The following FBH1 variants were observed in gnomAD, a reference collection of about 807,000 sequenced individuals.
FBH1 encodes the protein DNA 3'-5' helicase 1.
In FBH1, 43 loss-of-function variants were observed where a neutral mutation model predicts 115.5. That is an observed-to-expected ratio of 0.37 (90% CI 0.29 to 0.48). The LOEUF (loss-of-function observed/expected upper bound fraction) is 0.48, where lower values mean the gene tolerates loss of function less well. Among genes scored for constraint, FBH1 ranks in the 20% least tolerant of loss-of-function variants. FBH1 has a pLI of 0.99. For missense variants in FBH1, 1,001 were observed against 1,337.3 expected, an observed-to-expected ratio of 0.75 and a Z score of 3.92; for synonymous variants, 524 against 507.8, an observed-to-expected ratio of 1.03 and a Z score of -0.43.
chr10:5,903,889 G>A (rs1003722306), intron 2 of FBH1, among the ~76,000 whole-genome samples: 2 of 152,112 alleles, frequency 1.3e-5, no homozygotes, highest in Non-Finnish European at 2.9e-5. Context: ...CTAGGACCTG[G>A]ACTACTACAG....
intron 18 of FBH1, among the ~76,000 whole-genome samples, chr10:5,926,746 T>G (rs866279186): frequency 9.2e-5 from 14 of 152,328 alleles, no homozygotes; most frequent in South Asian, 6.2e-4. Flanking sequence ...GTAATTTTTT[T>G]GGGGGACATG....
intron 10 of FBH1, chr10:5,916,951 TA>T (rs1467971258): frequency 1.0e-5 from 2 of 195,538 alleles, no homozygotes; most frequent in Non-Finnish European, 2.2e-5. Context: ...CGCCTCAGTT[TA>T]TAAGAGCTTG....
chr10:5,904,054 G>A (rs1342705298), intron 2 of FBH1, among the ~76,000 whole-genome samples: 1 of 151,924 alleles, frequency 6.6e-6, no homozygotes, highest in Non-Finnish European at 1.5e-5. Flanking sequence ...AATATTATCT[G>A]GTTGTCTTTT....
intron 1 of FBH1, among the ~76,000 whole-genome samples, chr10:5,896,106 C>T (rs1842989015): frequency 6.6e-6 from 1 of 152,162 alleles, no homozygotes; most frequent in East Asian, 1.9e-4. Context: ...TCTCTTGTTT[C>T]CCCCTTGTGC....
At chr10:5,896,393 C>T (rs565103884) in intron 1 of FBH1, among the ~76,000 whole-genome samples, 1 of 152,124 alleles carries the variant, frequency 6.6e-6, no homozygotes, top group Admixed American at 6.5e-5. Flanking sequence ...TGAGGGTTAG[C>T]AAAGAGAGGT....
chr10:5,891,735 G>C (rs1387134453), intron 1 of FBH1, among the ~76,000 whole-genome samples: 1 of 152,106 alleles, frequency 6.6e-6, no homozygotes, highest in African/African-American at 2.4e-5. Context: ...TCAGCCTCCC[G>C]AGTAGCTGGG....
In FBH1 at chr10:5,923,807, G is replaced by A. The variant is rs1273614346; in HGVS notation, c.2398+111G>A. 5.1e-6 allele frequency: 5 copies of A among 983,580 alleles called. No individual in the cohort carries two copies. The highest frequency in any genetic ancestry group is 2.4e-5 in the East Asian group (1 of 41,082). 60.9% of individuals were successfully genotyped at this position (983,580 alleles called of 1,614,324 possible). Reference sequence around the variant, plus strand: ...GACCCGTTTCCCTCCAGAGAAGGGCGAGCTAGTGTTGCTGTCTTCCCATGA... The same window carrying A: ...GACCCGTTTCCCTCCAGAGAAGGGCAAGCTAGTGTTGCTGTCTTCCCATGA... On this transcript the variant is annotated intron_variant, in intron 16 of 20. Coordinates refer to ENST00000362091, the MANE Select transcript of FBH1 (RefSeq NM_178150.3). This position sits in a 1 kb window ranked among gnomAD's most constrained non-coding sequence, Gnocchi z 5.7.
Position 5,909,132 on chromosome 10 carries a change from A to G in FBH1, c.885-27A>G, listed in dbSNP as rs1305461472. On this transcript the variant is annotated intron_variant, in intron 4 of 20. Coordinates refer to ENST00000362091, the MANE Select transcript of FBH1 (RefSeq NM_178150.3). This position sits in a 1 kb window ranked among gnomAD's most constrained non-coding sequence, Gnocchi z 4.4. ...ATCAGTGCTTATGGTCACCCTACTC[A>G]TGGCCTCTCCTGTGAATGTCTTACA... 3.7e-6 allele frequency: 6 copies of G among 1,613,412 alleles called. No individual in the cohort carries two copies. Among genetic ancestry groups the G allele is most frequent in the Admixed American group, 1.7e-5 (1 of 60,014 alleles).
intron 6 of FBH1, among the ~76,000 whole-genome samples, chr10:5,912,820 C>A (rs1257698974): frequency 6.6e-6 from 1 of 152,180 alleles, no homozygotes; most frequent in African/African-American, 2.4e-5. Context: ...GGTAGCGCTT[C>A]AACACAGGAA....
At position 5,915,187 on chromosome 10, in the gene FBH1, G is replaced by A. The variant is rs551938302; in HGVS notation, c.1397-216G>A. On this transcript the variant is annotated intron_variant, in intron 8 of 20. Coordinates refer to ENST00000362091, the MANE Select transcript of FBH1 (RefSeq NM_178150.3). The surrounding 1 kb of genome is among the most constrained non-coding windows in gnomAD (Gnocchi z 5.2). ...GGGGTCCACCTGTCCTTTGCCCCTC[G>A]GCTGGAGCCTGCCCCAGCTGAGATC... is the stretch of plus-strand genomic sequence containing the variant. 1.3e-5 allele frequency among the ~76,000 whole-genome samples: 2 copies of A among 152,214 alleles called. No homozygotes were observed. Among genetic ancestry groups the A allele is most frequent in the South Asian group, 2.1e-4 (1 of 4,804 alleles).
chr10:5,911,975 A>G lies in FBH1; in HGVS notation c.1211+847A>G, dbSNP rs1422034285. ...GGAATGAATTTGGGACATGTGAGGA[A>G]GAGAAAAAGTGCAGTGTGGCAAGGG... is the stretch of plus-strand genomic sequence containing the variant. On this transcript the variant is annotated intron_variant, in intron 6 of 20. Coordinates refer to ENST00000362091, the MANE Select transcript of FBH1 (RefSeq NM_178150.3). This position sits in a 1 kb window ranked among gnomAD's most constrained non-coding sequence, Gnocchi z 5.4. Among the ~76,000 whole-genome samples the G allele has an allele frequency of 2.6e-5, 4 of 152,142 alleles. No homozygotes were observed. The highest frequency in any genetic ancestry group is 7.2e-5 in the African/African-American group (3 of 41,422).
At chr10:5,901,552 T>C (rs1443942881) in intron 1 of FBH1, among the ~76,000 whole-genome samples, 1 of 151,734 alleles carries the variant, frequency 6.6e-6, no homozygotes, top group Non-Finnish European at 1.5e-5. Flanking sequence ...TAACTTTAAT[T>C]CTTTTTTTTC....
In FBH1 at chr10:5,921,203, T is replaced by TG; in HGVS notation, c.2101-54dup. The TG allele has an allele frequency of 6.4e-7, 1 of 1,551,764 alleles. No homozygotes were observed. Among genetic ancestry groups the TG allele is most frequent in the Non-Finnish European group, 8.9e-7 (1 of 1,125,266 alleles). ...CAGGCTGTGGCAGCAGTGATGGAAA[T>TG]GCACGGACACACCACAGGGCGGGCT... On this transcript the variant is annotated intron_variant, in intron 13 of 20. Coordinates refer to ENST00000362091, the MANE Select transcript of FBH1 (RefSeq NM_178150.3). The surrounding 1 kb of genome is among the most constrained non-coding windows in gnomAD (Gnocchi z 6.4).
Position 5,936,684 on chromosome 10 carries a change from G to C in FBH1, c.2961+97G>C. The C allele has an allele frequency of 1.3e-6, 2 of 1,484,244 alleles. No homozygotes were observed. The highest frequency in any genetic ancestry group is 2.4e-5 in the South Asian group (2 of 84,872). 91.9% of individuals were successfully genotyped at this position (1,484,244 alleles called of 1,614,324 possible). On this transcript the variant is annotated intron_variant, in intron 20 of 20. Coordinates refer to ENST00000362091, the MANE Select transcript of FBH1 (RefSeq NM_178150.3). The surrounding 1 kb of genome is among the most constrained non-coding windows in gnomAD (Gnocchi z 5.6). Reference sequence around the variant, plus strand: ...GTTGTAGGTGAGGAGATAAGAGAGAGCTGTGTGATCCTTTATTAGGGGCTT... The same window carrying C: ...GTTGTAGGTGAGGAGATAAGAGAGACCTGTGTGATCCTTTATTAGGGGCTT...
chr10:5,932,430 AT>A lies in FBH1; in HGVS notation c.2830-4024del. On this transcript the variant is annotated intron_variant, in intron 19 of 20. Transcript: ENST00000362091. This position sits in a 1 kb window ranked among gnomAD's most constrained non-coding sequence, Gnocchi z 5.9. ...TTACTCTTTTATTTTTTGCCCTTTT[AT>A]TCTTTTATTTGTTGTCCTACCCAAA... Among the ~76,000 whole-genome samples, 1 of 151,928 alleles carries A rather than the reference AT, an allele frequency of 6.6e-6. No individual in the cohort carries two copies. The highest frequency in any genetic ancestry group is 6.6e-5 in the Admixed American group (1 of 15,230).
rs1831571465 is a variant in FBH1, at chr10:5,911,249, T to C, written c.1211+121T>C. The C allele has an allele frequency of 4.4e-6, 4 of 917,242 alleles. No individual in the cohort carries two copies. Among genetic ancestry groups the C allele is most frequent in the South Asian group, 1.6e-5 (1 of 60,800 alleles). 56.8% of individuals were successfully genotyped at this position (917,242 alleles called of 1,614,324 possible). A position where few individuals can be genotyped will look rare whatever the true frequency, so the allele number is the denominator to read the frequency against. ...CTGGCAGGCTGTGGGACCCACCTGC[T>C]CCACCTCAGTGTCATCTTCTGCAGG... is the stretch of plus-strand genomic sequence containing the variant. On this transcript the variant is annotated intron_variant, in intron 6 of 20. Transcript: ENST00000362091. This position sits in a 1 kb window ranked among gnomAD's most constrained non-coding sequence, Gnocchi z 5.4.
At chr10:5,899,181 G>A (rs1205613725) in intron 1 of FBH1, among the ~76,000 whole-genome samples, 4 of 152,144 alleles carry the variant, frequency 2.6e-5, no homozygotes, top group African/African-American at 4.8e-5. Context: ...GTGCCTTTTC[G>A]TTGACTTTCA....
Position 5,921,545 on chromosome 10 carries a change from C to T in FBH1, c.2298C>T (p.Phe766=). The T allele has an allele frequency of 6.3e-7, 1 of 1,594,622 alleles. No homozygotes were observed. The highest frequency in any genetic ancestry group is 1.1e-5 in the South Asian group (1 of 87,056). ...CCGTACGGGTGACGGAAGGGGAATTCCCTTCAAGGATACATTTGATTGGGG... is the reference window on the plus strand; with the variant it reads ...CCGTACGGGTGACGGAAGGGGAATTTCCTTCAAGGATACATTTGATTGGGG... ...DEAVRVTEGE[F]PSRIHLIGGI... The change falls in exon 15 of 21, where the codon TTC becomes TTT. Residue 766 remains phenylalanine (F), a synonymous_variant. Coordinates refer to ENST00000362091, the MANE Select transcript of FBH1 (RefSeq NM_178150.3). This position sits in a 1 kb window ranked among gnomAD's most constrained non-coding sequence, Gnocchi z 6.4.
chr10:5,898,921 C>T (rs527678468), intron 1 of FBH1, among the ~76,000 whole-genome samples: 77 of 152,342 alleles, frequency 5.1e-4, no homozygotes, highest in Non-Finnish European at 1.0e-3. Context: ...TGAGACATCT[C>T]CATCTCATTG....
Sources: allele counts gnomAD v4.1 joint callset (sites outside exome capture counted in the v4.1 genomes callset), GRCh38; gene constraint gnomAD v4.1.1; non-coding constraint Gnocchi (gnomAD v3.1); transcripts MANE v1.5; gene names NCBI Gene and HGNC (gene_info 2026-07-23, HGNC 2026-07-21).